The following PLCG2 variants were observed in gnomAD, a reference collection of about 807,000 sequenced individuals.
PLCG2 encodes the protein 1-phosphatidylinositol 4,5-bisphosphate phosphodiesterase gamma-2.
PLCG2 carries 69 observed loss-of-function variants against 175.6 expected under a neutral mutation model. That is an observed-to-expected ratio of 0.39 (90% confidence interval 0.32 to 0.48). PLCG2 has a LOEUF of 0.48. Among genes scored for constraint, PLCG2 ranks in the 20% least tolerant of loss-of-function variants. PLCG2 has a pLI of 0.91. For missense variants in PLCG2, 1,798 were observed against 1,650.9 expected (o/e 1.09, Z -1.54); for synonymous variants, 827 against 624.0 (o/e 1.33, Z -4.85).
At chr16:81,820,302 G>A (rs1904737300) in intron 2 of PLCG2, among the ~76,000 whole-genome samples, 1 of 152,162 alleles carries the variant, frequency 6.6e-6, no homozygotes, top group Non-Finnish European at 1.5e-5. Context: ...TCCCTCTGCA[G>A]TCTGCAGCCC....
intron 12 of PLCG2, among the ~76,000 whole-genome samples, chr16:81,894,110 TG>T (rs1367366621): frequency 5.3e-5 from 8 of 151,796 alleles, no homozygotes; most frequent in Admixed American, 1.3e-4. Context: ...TCACCTGGAT[TG>T]GGGGGTCTCT....
chr16:81,913,344 C>A (rs557487486), intron 19 of PLCG2, among the ~76,000 whole-genome samples: 2 of 152,362 alleles, frequency 1.3e-5, no homozygotes, highest in Non-Finnish European at 2.9e-5. Flanking sequence ...GTGTTCTAGA[C>A]ACTGGACTGC....
intron 2 of PLCG2, among the ~76,000 whole-genome samples, chr16:81,819,222 G>C (rs1904687718): frequency 6.6e-6 from 1 of 152,106 alleles, no homozygotes; most frequent in African/African-American, 2.4e-5. Context: ...TGGATGTGGT[G>C]GGTGGAGGAT....
intron 25 of PLCG2, 138 bp from the exon 26 acceptor site, chr16:81,934,291 G>A: frequency 1.6e-6 from 1 of 626,686 alleles, no homozygotes; most frequent in Non-Finnish European, 2.9e-6. Context: ...TTGTCTTCAG[G>A]AAAGGAAAAC....
chr16:81,870,867 A>G lies in PLCG2; in HGVS notation c.580A>G (p.Lys194Glu), dbSNP rs1340605489. 2.5e-6 allele frequency: 4 copies of G among 1,596,222 alleles called. No individual in the cohort carries two copies. The highest frequency in any genetic ancestry group is 1.7e-5 in the Admixed American group (1 of 57,362). The change falls in exon 7 of 33, where the codon AAA becomes GAA. Residue 194 changes from lysine to glutamate, a missense_variant. Physicochemically the swap from Lys to Glu is moderately conservative, Grantham distance 56. Coordinates refer to ENST00000564138, the MANE Select transcript of PLCG2 (RefSeq NM_002661.5). ...KDKFVEIGAH[K>E]DELSFEQFHL... ...ATATTTACAGGAAATAGGAGCACAC[A>G]AAGATGAGCTCAGCTTTGAACAGTT... is the stretch of plus-strand genomic sequence containing the variant.
chr16:81,750,874 C>A (rs1190485465), intron 1 of PLCG2, among the ~76,000 whole-genome samples: 1 of 149,538 alleles, frequency 6.7e-6, no homozygotes, highest in African/African-American at 2.5e-5. Flanking sequence ...GGGGTTTCAA[C>A]ATGTTAGCCA....
chr16:81,799,825 C>G (rs145483778), intron 2 of PLCG2, among the ~76,000 whole-genome samples: 1 of 149,920 alleles, frequency 6.7e-6, no homozygotes, highest in Admixed American at 6.7e-5. Flanking sequence ...GATCTCCTGA[C>G]CTCGTGATCC....
intron 2 of PLCG2, among the ~76,000 whole-genome samples, chr16:81,756,559 C>T (rs964395144): frequency 6.6e-6 from 1 of 152,150 alleles, no homozygotes; most frequent in Non-Finnish European, 1.5e-5. Flanking sequence ...GGTGACCACA[C>T]CATACAGTGT....
intron 1 of PLCG2, among the ~76,000 whole-genome samples, chr16:81,751,068 C>T (rs143529494): frequency 2.7e-4 from 40 of 150,352 alleles, no homozygotes; most frequent in African/African-American, 9.3e-4. Flanking sequence ...ACAACCTCCA[C>T]CTCCAGGGTT....
chr16:81,750,047 A>G (rs1909776751), intron 1 of PLCG2, among the ~76,000 whole-genome samples: 2 of 144,808 alleles, frequency 1.4e-5, no homozygotes, highest in South Asian at 2.1e-4. Context: ...TCCCATTGTG[A>G]AAAAAAAAAA....
At chr16:81,753,952 C>A (rs1017235560) in intron 1 of PLCG2, among the ~76,000 whole-genome samples, 28 of 152,234 alleles carry the variant, frequency 1.8e-4, no homozygotes, top group Non-Finnish European at 3.2e-4. Flanking sequence ...GATGGTCCCA[C>A]CTTGGGTGGA....
intron 1 of PLCG2, among the ~76,000 whole-genome samples, chr16:81,747,430 G>C (rs1388608147): frequency 6.6e-6 from 1 of 152,160 alleles, no homozygotes; most frequent in Non-Finnish European, 1.5e-5. Flanking sequence ...AGCTACACGG[G>C]ACACTGAGGC....
At chr16:81,863,214 C>G (rs1907068073) in intron 5 of PLCG2, among the ~76,000 whole-genome samples, 1 of 152,218 alleles carries the variant, frequency 6.6e-6, no homozygotes, top group South Asian at 2.1e-4. Context: ...TTGATTCTCT[C>G]TTTAGCCCCT....
chr16:81,878,842 G>T (rs1434785769), intron 7 of PLCG2, among the ~76,000 whole-genome samples: 1 of 152,148 alleles, frequency 6.6e-6, no homozygotes, highest in African/African-American at 2.4e-5. Context: ...AGCGTTTGTG[G>T]CTCTTGGCTT....
chr16:81,784,099 C>A, intron 1 of PLCG2, among the ~76,000 whole-genome samples: 1 of 152,128 alleles, frequency 6.6e-6, no homozygotes, highest in East Asian at 1.9e-4. Context: ...AGTCTGTTTC[C>A]CCATGGGCAG....
At chr16:81,849,289 T>A (rs1009356973) in intron 2 of PLCG2, among the ~76,000 whole-genome samples, 3 of 152,120 alleles carry the variant, frequency 2.0e-5, no homozygotes, top group African/African-American at 7.2e-5. Context: ...GTGGCTTGGA[T>A]TGTGGTGTTG....
At chr16:81,882,460 G>T (rs1457252546) in intron 8 of PLCG2, among the ~76,000 whole-genome samples, 1 of 152,110 alleles carries the variant, frequency 6.6e-6, no homozygotes, top group Non-Finnish European at 1.5e-5. Flanking sequence ...CTGGATCGTG[G>T]CTTCTGAGGA....
chr16:81,790,262 G>C (rs1055795620), intron 2 of PLCG2, among the ~76,000 whole-genome samples: 7 of 152,190 alleles, frequency 4.6e-5, no homozygotes, highest in African/African-American at 1.7e-4. Context: ...TCTTCCTTAG[G>C]GGTTTGGACT....
chr16:81,877,973 A>ATTTT (rs71146052), intron 7 of PLCG2, among the ~76,000 whole-genome samples: 12 of 55,758 alleles, frequency 2.2e-4, no homozygotes, highest in South Asian at 9.7e-4. Context: ...TTTTTTTTTA[A>ATTTT]TTTTTTTTTT....
Sources: allele counts gnomAD v4.1 joint callset (sites outside exome capture counted in the v4.1 genomes callset), GRCh38; gene constraint gnomAD v4.1.1; transcripts MANE v1.5; gene names NCBI Gene and HGNC (gene_info 2026-07-23, HGNC 2026-07-21).